The following EPHB2 variants were observed in gnomAD, a reference collection of about 807,000 sequenced individuals.
EPHB2 encodes EPH receptor B2, also known as ephrin type-B receptor 2.
EPHB2 carries 18 observed loss-of-function variants against 96.4 expected under a neutral mutation model. The ratio of observed to expected loss-of-function variants is 0.19; its 90% CI spans 0.13 to 0.28. EPHB2 has a LOEUF of 0.28. Ranked by LOEUF, EPHB2 falls within the 10% of genes least tolerant of loss-of-function variation. EPHB2 has a pLI of 1.00. For missense variants in EPHB2, 989 were observed against 1,355.4 expected (o/e 0.73, Z 4.25); for synonymous variants, 506 against 534.1 (o/e 0.95, Z 0.72).
At chr1:22,817,863 T>C (rs1645095809) in intron 3 of EPHB2, among the ~76,000 whole-genome samples, 2 of 152,168 alleles carry the variant, frequency 1.3e-5, no homozygotes, top group Non-Finnish European at 2.9e-5. Context: ...AGATGGGCCT[T>C]CCTAAAGGGC....
At chr1:22,815,299 G>T (rs1645059389) in intron 3 of EPHB2, among the ~76,000 whole-genome samples, 2 of 152,164 alleles carry the variant, frequency 1.3e-5, no homozygotes, top group Non-Finnish European at 2.9e-5. Flanking sequence ...CTGGGTTTGA[G>T]TCCCAAAGTG....
chr1:22,909,194 A>G (rs1231982852), intron 13 of EPHB2, 23 bp downstream of exon 13: 1 of 1,613,978 alleles, frequency 6.2e-7, no homozygotes, highest in African/African-American at 1.3e-5. Flanking sequence ...GGGGATAGGC[A>G]AGGCCTCTCT....
At chr1:22,741,652 G>A (rs1570186976) in intron 1 of EPHB2, among the ~76,000 whole-genome samples, 1 of 138,132 alleles carries the variant, frequency 7.2e-6, no homozygotes, top group Non-Finnish European at 1.5e-5. Flanking sequence ...GGTTATATTT[G>A]CCTTGACAGC....
intron 3 of EPHB2, among the ~76,000 whole-genome samples, chr1:22,854,295 G>A (rs973222973): frequency 2.0e-5 from 3 of 152,126 alleles, no homozygotes; most frequent in Non-Finnish European, 4.4e-5. Flanking sequence ...AGGATCACTT[G>A]AGCCCAAGAG....
At position 22,908,220 on chromosome 1, in the gene EPHB2, G is replaced by A. The variant is rs1209262602; in HGVS notation, c.2352+52G>A. 7.5e-6 allele frequency: 12 copies of A among 1,603,116 alleles called. No individual in the cohort carries two copies. In the South Asian group the frequency reaches 1.3e-4, roughly 18 times the overall value. ...GTCACAGAGCCAGAGAAGAGGGCAT[G>A]AGTGTCCATCTCTCCCTGCAAGACA... On this transcript the variant is annotated intron_variant, in intron 12 of 15. Transcript: ENST00000374630.
chr1:22,913,404 C>T lies in EPHB2; in HGVS notation c.2853-58C>T. 2 of 1,596,086 alleles carry T rather than the reference C, an allele frequency of 1.3e-6. No homozygotes were observed. Among genetic ancestry groups the T allele is most frequent in the Admixed American group, 3.5e-5 (2 of 56,944 alleles). ...CGGGGAAGCCCAGGCAGCTCTCTAC[C>T]AGGCACAGGACCCCTTCACCCGCAT... On this transcript the variant is annotated intron_variant, in intron 15 of 15. Transcript: ENST00000374630. The surrounding 1 kb of genome is among the most constrained non-coding windows in gnomAD (Gnocchi z 4.1).
intron 1 of EPHB2, among the ~76,000 whole-genome samples, chr1:22,779,533 T>C (rs1450852147): frequency 1.3e-5 from 2 of 152,338 alleles, no homozygotes; most frequent in East Asian, 1.9e-4. Flanking sequence ...ACCCTAATTA[T>C]CTGCCATTTG....
At chr1:22,723,143 A>G (rs1168281332) in intron 1 of EPHB2, among the ~76,000 whole-genome samples, 1 of 152,232 alleles carries the variant, frequency 6.6e-6, no homozygotes, top group Non-Finnish European at 1.5e-5. Flanking sequence ...GCCTGAGTCC[A>G]TGGGAAGCCG....
Position 22,913,402 on chromosome 1 carries a change from A to G in EPHB2, c.2853-60A>G, listed in dbSNP as rs1012206191. On this transcript the variant is annotated intron_variant, in intron 15 of 15. Transcript: ENST00000374630. This position sits in a 1 kb window ranked among gnomAD's most constrained non-coding sequence, Gnocchi z 4.1. ...CCCGGGGAAGCCCAGGCAGCTCTCT[A>G]CCAGGCACAGGACCCCTTCACCCGC... 6.8e-5 allele frequency: 108 copies of G among 1,593,694 alleles called. 2 individuals are homozygous for G. Among genetic ancestry groups the G allele is most frequent in the Non-Finnish European group, 9.0e-5 (105 of 1,169,628 alleles).
intron 3 of EPHB2, among the ~76,000 whole-genome samples, chr1:22,785,703 C>T (rs185364508): frequency 2.0e-3 from 300 of 152,352 alleles, no homozygotes; most frequent in African/African-American, 7.0e-3. Flanking sequence ...GCGCCCCCGC[C>T]ATAACCTCTG....
Position 22,919,463 on chromosome 1 carries a change from C to T in EPHB2, c.*5893C>T, listed in dbSNP as rs1020432649. On this transcript the variant is annotated 3_prime_UTR_variant, in exon 16 of 16. Transcript: ENST00000374630. ...CAGAAATTTAATACTTTGGAGGGGC[C>T]CAGCAACCCACTCAGGGCCACCCTG... The T allele has an allele frequency of 6.6e-6, 1 of 152,274 alleles. No individual in the cohort carries two copies. Among genetic ancestry groups the T allele is most frequent in the African/African-American group, 2.4e-5 (1 of 41,412 alleles). The allele number at this position is 152,274 out of a possible 1,614,324, so 9.4% of individuals were successfully genotyped here.
chr1:22,742,947 A>G (rs1643922525), intron 1 of EPHB2, among the ~76,000 whole-genome samples: 1 of 148,712 alleles, frequency 6.7e-6, no homozygotes, highest in Non-Finnish European at 1.5e-5. Context: ...GTTGGAGTGC[A>G]GTGGTCTTAT....
At chr1:22,781,550 C>T (rs549408034) in intron 2 of EPHB2, 65 bp downstream of exon 2, 37 of 1,521,132 alleles carry the variant, frequency 2.4e-5, no homozygotes, top group Non-Finnish European at 3.1e-5. Flanking sequence ...CTGCAGGGCC[C>T]GAATGCCCCC....
In EPHB2 at chr1:22,727,028, G is replaced by C. The variant is rs867735713; in HGVS notation, c.61+15985G>C. 3.9e-5 allele frequency among the ~76,000 whole-genome samples: 6 copies of C among 152,252 alleles called. No homozygotes were observed. In the South Asian group the frequency reaches 1.0e-3, roughly 26 times the overall value. ...CCAAAGTGTGAGAAAGAAATGGCAG[G>C]AGAGGTTTGAGTCCGTTAAGAGAAG... On this transcript the variant is annotated intron_variant, in intron 1 of 15. Transcript: ENST00000374630.
At chr1:22,848,930 G>A (rs549243816) in intron 3 of EPHB2, among the ~76,000 whole-genome samples, 6 of 152,214 alleles carry the variant, frequency 3.9e-5, no homozygotes, top group Admixed American at 1.3e-4. Context: ...GTCCATGTGC[G>A]CTGGGGATGG....
At chr1:22,711,463 G>A (rs1643141474) in intron 1 of EPHB2, among the ~76,000 whole-genome samples, 1 of 150,530 alleles carries the variant, frequency 6.6e-6, no homozygotes, top group South Asian at 2.1e-4. Context: ...GGGCTGGAAA[G>A]TTTGGCAGGG....
At chr1:22,757,981 C>T (rs1041542467) in intron 1 of EPHB2, among the ~76,000 whole-genome samples, 9 of 141,234 alleles carry the variant, frequency 6.4e-5, no homozygotes, top group African/African-American at 2.1e-4. Flanking sequence ...TGCAGTGGCG[C>T]GATCTCGGCT....
At chr1:22,809,325 G>A (rs934626309) in intron 3 of EPHB2, among the ~76,000 whole-genome samples, 1 of 152,208 alleles carries the variant, frequency 6.6e-6, no homozygotes, top group Non-Finnish European at 1.5e-5. Context: ...CTCAGAGCAA[G>A]ACAATTAAGT....
chr1:22,816,826 G>T (rs1645081746), intron 3 of EPHB2, among the ~76,000 whole-genome samples: 1 of 152,222 alleles, frequency 6.6e-6, no homozygotes, highest in Non-Finnish European at 1.5e-5. Flanking sequence ...ATTTGCCTAA[G>T]GTCACCCTGG....
Sources: allele counts gnomAD v4.1 joint callset (sites outside exome capture counted in the v4.1 genomes callset), GRCh38; gene constraint gnomAD v4.1.1; non-coding constraint Gnocchi (gnomAD v3.1); transcripts MANE v1.5; gene names NCBI Gene and HGNC (gene_info 2026-07-23, HGNC 2026-07-21).